GLDC: variants seen among roughly 807,000 people sequenced by gnomAD.
GLDC encodes the protein glycine dehydrogenase (decarboxylating), mitochondrial.
GLDC carries 104 observed loss-of-function variants against 121.3 expected under a neutral mutation model. The ratio of observed to expected loss-of-function variants is 0.86; its 90% CI spans 0.73 to 1.01. The LOEUF is 1.01. GLDC is among the 50% of genes least tolerant of loss of function. GLDC has a pLI of 0.00. For synonymous variants in GLDC, 546 were observed against 480.6 expected (o/e 1.14, Z -1.78); for missense variants, 1,429 against 1,306.6 (o/e 1.09, Z -1.44).
intron 16 of GLDC, among the ~76,000 whole-genome samples, chr9:6,563,468 C>G (rs1279342098): frequency 6.6e-6 from 1 of 152,160 alleles, no homozygotes; most frequent in African/African-American, 2.4e-5. Flanking sequence ...CTCCTGGGCA[C>G]CTCGTGGTGA....
intron 16 of GLDC, among the ~76,000 whole-genome samples, chr9:6,564,631 A>G (rs933969105): frequency 2.6e-5 from 4 of 152,198 alleles, no homozygotes; most frequent in Admixed American, 6.5e-5. Flanking sequence ...TACAAACTCT[A>G]GCATAGCACT....
chr9:6,611,412 C>T (rs528584464), intron 3 of GLDC, among the ~76,000 whole-genome samples: 5 of 152,226 alleles, frequency 3.3e-5, no homozygotes, highest in East Asian at 1.9e-4. Context: ...AACAATTAGC[C>T]AGGCGTGGTG....
intron 2 of GLDC, among the ~76,000 whole-genome samples, chr9:6,640,875 G>T (rs1056044608): frequency 6.6e-6 from 1 of 152,148 alleles, no homozygotes; most frequent in African/African-American, 2.4e-5. Flanking sequence ...AAACTGCAAA[G>T]TAATTAAAGG....
At chr9:6,622,082 T>G (rs1466801236) in intron 2 of GLDC, among the ~76,000 whole-genome samples, 1 of 151,880 alleles carries the variant, frequency 6.6e-6, no homozygotes, top group African/African-American at 2.4e-5. Flanking sequence ...TTAACCCTAT[T>G]GAACTCTATC....
rs572698991 is a variant in GLDC, at chr9:6,638,613, C to A, written c.334+6001G>T. Among the ~76,000 whole-genome samples, 293 of 152,182 alleles carry A rather than the reference C, an allele frequency of 1.9e-3. 1 individual carries two copies. Among genetic ancestry groups the A allele is most frequent in the Middle Eastern group, 3.4e-3 (1 of 294 alleles). On this transcript the variant is annotated intron_variant, in intron 2 of 24. Coordinates refer to ENST00000321612, the MANE Select transcript of GLDC (RefSeq NM_000170.3). ...TTTCTGAACGCTCATGACATTTTACCCACAGCTTTCATGGCACCTAGAACT... is the reference window on the plus strand; with the variant it reads ...TTTCTGAACGCTCATGACATTTTACACACAGCTTTCATGGCACCTAGAACT...
intron 14 of GLDC, among the ~76,000 whole-genome samples, chr9:6,587,503 T>C (rs1052993220): frequency 2.0e-5 from 3 of 152,176 alleles, no homozygotes; most frequent in African/African-American, 7.2e-5. Flanking sequence ...AAAGGGAACT[T>C]ACACAAAAAT....
rs145894232 is a variant in GLDC at position 6,573,686 on chromosome 9, G to A, written c.1851-8257C>T. ...TCCCCTCATCCAAACTCTCCTTTAC[G>A]TTGAGAAACAAAAACGATGCAAGTG... is the stretch of plus-strand genomic sequence containing the variant. On this transcript the variant is annotated intron_variant, in intron 15 of 24. Coordinates refer to ENST00000321612, the MANE Select transcript of GLDC (RefSeq NM_000170.3). Among the ~76,000 whole-genome samples, 212 of 152,148 alleles carry A rather than the reference G, an allele frequency of 1.4e-3. 1 individual carries two copies. Among genetic ancestry groups the A allele is most frequent in the African/African-American group, 4.7e-3 (194 of 41,510 alleles).
Position 6,606,297 on chromosome 9 carries a change from G to A in GLDC, c.713+295C>T, listed in dbSNP as rs1473488744. 27 of 373,312 alleles carry A rather than the reference G, an allele frequency of 7.2e-5. No individual in the cohort carries two copies. In the East Asian group the frequency reaches 1.4e-3, roughly 19 times the overall value. The allele number at this position is 373,312 out of a possible 1,614,324, so 23.1% of individuals were successfully genotyped here. On this transcript the variant is annotated intron_variant, in intron 5 of 24. Transcript: ENST00000321612. ...TGCACTCCAGCCTGGACGACAGAGCGAGACTCCGTCTCAAAAAAAAAAAAA... is the reference window on the plus strand; with the variant it reads ...TGCACTCCAGCCTGGACGACAGAGCAAGACTCCGTCTCAAAAAAAAAAAAA...
intron 16 of GLDC, 43 bp from the exon 17 acceptor site, chr9:6,558,727 C>T (rs1817686307): frequency 6.2e-7 from 1 of 1,610,568 alleles, no homozygotes; most frequent in South Asian, 1.1e-5. Flanking sequence ...AAATCATCAT[C>T]AGACTATGAA....
At chr9:6,612,060 A>G (rs1203835546) in intron 3 of GLDC, among the ~76,000 whole-genome samples, 2 of 151,918 alleles carry the variant, frequency 1.3e-5, no homozygotes, top group African/African-American at 4.8e-5. Context: ...CTATTTGCCT[A>G]CACCATGTAT....
intron 17 of GLDC, among the ~76,000 whole-genome samples, chr9:6,557,370 CG>C (rs1297017784): frequency 6.6e-6 from 1 of 152,016 alleles, no homozygotes. Flanking sequence ...CTGAGGCGGG[CG>C]GATCATGAGG....
At chr9:6,543,981 G>A (rs963492117) in intron 21 of GLDC, among the ~76,000 whole-genome samples, 2 of 152,128 alleles carry the variant, frequency 1.3e-5, no homozygotes, top group African/African-American at 4.8e-5. Flanking sequence ...TCTTCTGAGG[G>A]TAAGAACAAT....
At chr9:6,602,950 G>A (rs1312377162) in intron 7 of GLDC, among the ~76,000 whole-genome samples, 1 of 151,944 alleles carries the variant, frequency 6.6e-6, no homozygotes, top group Admixed American at 6.6e-5. Flanking sequence ...TTTATGAGCC[G>A]CGCATGGTGG....
chr9:6,592,102 C>G, intron 11 of GLDC, 41 bp downstream of exon 11: 1 of 1,224,764 alleles, frequency 8.2e-7, no homozygotes, highest in African/African-American at 1.5e-5. Context: ...CTACCACCTC[C>G]AATAGTTATG....
At chr9:6,586,835 C>T (rs756083469) in intron 15 of GLDC, among the ~76,000 whole-genome samples, 7 of 152,174 alleles carry the variant, frequency 4.6e-5, no homozygotes, top group African/African-American at 1.7e-4. Flanking sequence ...TGGGAACACG[C>T]ATTCTGAACC....
chr9:6,553,403 T>G lies in GLDC; in HGVS notation c.2422A>C (p.Ser808Arg), dbSNP rs1314006147. ...GTVSAAPWGS[S>R]SILPISWAYI... ...GCCCAGGAAATGGGCAAGATGGAAC[T>G]GGAGCCCCATGGGGCCGCACTGACG... The change falls in exon 20 of 25, where the codon AGT (serine) becomes CGT (arginine). Residue 808 changes from serine (S) to arginine (R), a missense_variant. Transcript: ENST00000321612. 6.2e-7 allele frequency: 1 copy of G among 1,614,000 alleles called. No individual in the cohort carries two copies. Among genetic ancestry groups the G allele is most frequent in the Non-Finnish European group, 8.5e-7 (1 of 1,179,854 alleles).
intron 3 of GLDC, among the ~76,000 whole-genome samples, chr9:6,612,207 AC>A (rs1818871900): frequency 3.3e-5 from 5 of 150,994 alleles, no homozygotes; most frequent in African/African-American, 1.2e-4. Flanking sequence ...ACACACACAC[AC>A]AAACACACAC....
chr9:6,591,051 A>C (rs1818365737), intron 11 of GLDC, among the ~76,000 whole-genome samples: 1 of 152,148 alleles, frequency 6.6e-6, no homozygotes, highest in African/African-American at 2.4e-5. Flanking sequence ...GGCTGTTGTG[A>C]TTAACACCTT....
intron 21 of GLDC, among the ~76,000 whole-genome samples, chr9:6,545,698 T>G (rs1817373110): frequency 1.3e-5 from 2 of 152,324 alleles, no homozygotes; most frequent in South Asian, 4.1e-4. Flanking sequence ...TGGAGTGCAG[T>G]GGCGCAATCT....
Sources: allele counts gnomAD v4.1 joint callset (sites outside exome capture counted in the v4.1 genomes callset), GRCh38; gene constraint gnomAD v4.1.1; transcripts MANE v1.5; gene names NCBI Gene and HGNC (gene_info 2026-07-23, HGNC 2026-07-21).